The following NRG1 variants were observed in gnomAD, a reference collection of about 807,000 sequenced individuals.
NRG1 encodes neuregulin 1.
A neutral mutation model predicts 63.8 loss-of-function variants in NRG1; 18 were observed. The observed-to-expected ratio is 0.28, with a 90% CI of 0.19 to 0.42. The LOEUF (loss-of-function observed/expected upper bound fraction) is 0.42. Ranked by LOEUF, NRG1 falls within the 10% of genes least tolerant of loss-of-function variation. NRG1 has a pLI of 1.00. For missense variants in NRG1, 762 were observed against 814.7 expected, an observed-to-expected ratio of 0.94 and a Z score of 0.79; for synonymous variants, 302 against 301.3, an observed-to-expected ratio of 1.00 and a Z score of -0.02.
chr8:32,041,273 T>C (rs1335926573), intron 1 of NRG1, among the ~76,000 whole-genome samples: 1 of 152,218 alleles, frequency 6.6e-6, no homozygotes, highest in South Asian at 2.1e-4. Context: ...TCCTTCTTAA[T>C]TACTACATTT....
rs1225918150 is a variant in NRG1, at chr8:32,432,511, T to C, written c.38-163317T>C. On this transcript the variant is annotated intron_variant, in intron 1 of 10. Transcript: ENST00000519301. ...ACTTTATCACACCGGTTTTTGTTTT[T>C]GTTTTTGTATTATTATTTTTGAGAC... 2.0e-5 allele frequency among the ~76,000 whole-genome samples: 3 copies of C among 152,128 alleles called. No homozygotes were observed. The East Asian group carries it at 5.8e-4, about 29-fold the overall frequency.
chr8:32,162,799 T>C (rs919430261), intron 1 of NRG1, among the ~76,000 whole-genome samples: 1 of 152,048 alleles, frequency 6.6e-6, no homozygotes, highest in African/African-American at 2.4e-5. Context: ...TTGAAGGAAA[T>C]GTGCTGCCTA....
chr8:32,498,070 A>G (rs1013879287), intron 1 of NRG1, among the ~76,000 whole-genome samples: 9 of 151,892 alleles, frequency 5.9e-5, no homozygotes, highest in African/African-American at 2.2e-4. Flanking sequence ...TCATCCACTC[A>G]CCTCGGCCTC....
chr8:32,413,484 A>T (rs1359019166), intron 1 of NRG1, among the ~76,000 whole-genome samples: 1 of 152,192 alleles, frequency 6.6e-6, no homozygotes, highest in Non-Finnish European at 1.5e-5. Flanking sequence ...AAGCAGAAAA[A>T]GGAGATTAGA....
intron 1 of NRG1, among the ~76,000 whole-genome samples, chr8:32,273,294 G>A (rs1024856664): frequency 1.3e-5 from 2 of 152,066 alleles, no homozygotes; most frequent in African/African-American, 4.8e-5. Context: ...AAAGCTATTA[G>A]ATTCCCAACC....
At chr8:31,984,990 G>T (rs975883504) in intron 1 of NRG1, among the ~76,000 whole-genome samples, 19 of 152,008 alleles carry the variant, frequency 1.2e-4, no homozygotes, top group Admixed American at 7.9e-4. Context: ...TTCCTTGGGG[G>T]TTTACCCATT....
At chr8:31,683,016 A>AT (rs1180157627) in intron 1 of NRG1, among the ~76,000 whole-genome samples, 1 of 152,208 alleles carries the variant, frequency 6.6e-6, no homozygotes, top group Non-Finnish European at 1.5e-5. Context: ...ATTTTGAAAT[A>AT]TACCAGAGCA....
chr8:31,782,383 A>G (rs1212945249), intron 1 of NRG1, among the ~76,000 whole-genome samples: 1 of 152,036 alleles, frequency 6.6e-6, no homozygotes, highest in Non-Finnish European at 1.5e-5. Flanking sequence ...AGCATTGCCT[A>G]TCACCCCCAC....
intron 1 of NRG1, among the ~76,000 whole-genome samples, chr8:31,727,019 C>T (rs1416027206): frequency 2.6e-5 from 4 of 152,206 alleles, no homozygotes; most frequent in East Asian, 1.9e-4. Context: ...GATTGAAAAA[C>T]GATTGTCTAA....
chr8:31,751,977 A>G (rs1211320665), intron 1 of NRG1, among the ~76,000 whole-genome samples: 1 of 151,980 alleles, frequency 6.6e-6, no homozygotes, highest in Non-Finnish European at 1.5e-5. Flanking sequence ...TTGAACATGT[A>G]TTTGCCATTC....
chr8:32,034,003 A>G (rs1818661698), intron 1 of NRG1, among the ~76,000 whole-genome samples: 1 of 152,188 alleles, frequency 6.6e-6, no homozygotes. Context: ...AGGAGTGTTG[A>G]GAGATGGCTT....
At chr8:32,515,635 C>T (rs1342186166) in intron 1 of NRG1, among the ~76,000 whole-genome samples, 1 of 152,032 alleles carries the variant, frequency 6.6e-6, no homozygotes, top group Non-Finnish European at 1.5e-5. Flanking sequence ...GAAACAAGGA[C>T]ACAGTATGTT....
At chr8:31,826,733 A>G (rs1335677423) in intron 1 of NRG1, among the ~76,000 whole-genome samples, 2 of 152,222 alleles carry the variant, frequency 1.3e-5, no homozygotes, top group Non-Finnish European at 2.9e-5. Flanking sequence ...GTAGAAGAAT[A>G]TAAGGGGCTT....
chr8:32,390,130 T>C (rs2129483908), intron 1 of NRG1, among the ~76,000 whole-genome samples: 1 of 152,266 alleles, frequency 6.6e-6, no homozygotes, highest in South Asian at 2.1e-4. Context: ...TTTCCCATTC[T>C]CTATGCCTGG....
At chr8:32,241,826 G>A (rs891902510) in intron 1 of NRG1, among the ~76,000 whole-genome samples, 5 of 151,522 alleles carry the variant, frequency 3.3e-5, no homozygotes, top group South Asian at 2.1e-4. Context: ...TGGTGCAATC[G>A]TAGCTCACTG....
intron 1 of NRG1, among the ~76,000 whole-genome samples, chr8:31,782,321 A>C (rs935640799): frequency 6.6e-6 from 1 of 152,016 alleles, no homozygotes; most frequent in Non-Finnish European, 1.5e-5. Context: ...CTCAGATACC[A>C]TGTTATTCAT....
rs538870291 is a variant in NRG1, at chr8:32,427,343, C to T, written c.38-168485C>T. On this transcript the variant is annotated intron_variant, in intron 1 of 10. Coordinates refer to the NRG1 transcript ENST00000519301. Reference sequence around the variant, plus strand: ...ATTAAACGTGGTAGATCCTCCATCTCCACTTGGCTCTTTCTGATTTTCTGT... The same window carrying T: ...ATTAAACGTGGTAGATCCTCCATCTTCACTTGGCTCTTTCTGATTTTCTGT... 8.5e-5 allele frequency among the ~76,000 whole-genome samples: 13 copies of T among 152,266 alleles called. No individual in the cohort carries two copies. In the East Asian group the frequency reaches 2.5e-3, roughly 29 times the overall value.
chr8:31,746,862 T>G (rs1815925242), intron 1 of NRG1, among the ~76,000 whole-genome samples: 1 of 151,914 alleles, frequency 6.6e-6, no homozygotes, highest in Non-Finnish European at 1.5e-5. Flanking sequence ...TGCAACAACA[T>G]GGATGGAACT....
In NRG1 at chr8:32,759,295, T is replaced by C; in HGVS notation, c.922-11T>C. The C allele has an allele frequency of 6.2e-7, 1 of 1,611,834 alleles. No homozygotes were observed. The highest frequency in any genetic ancestry group is 8.5e-7 in the Non-Finnish European group (1 of 1,178,878). Reference sequence around the variant, plus strand: ...CGTGAATCTTCAAGTTGTGTCTCTTTGTTTATCCAGCAATACGTATCTAAA... The same window carrying C: ...CGTGAATCTTCAAGTTGTGTCTCTTCGTTTATCCAGCAATACGTATCTAAA... On this transcript the variant is annotated splice_polypyrimidine_tract_variant and intron_variant, in intron 9 of 11. Coordinates refer to ENST00000356819, the Ensembl canonical transcript of NRG1.
Sources: allele counts gnomAD v4.1 joint callset (sites outside exome capture counted in the v4.1 genomes callset), GRCh38; gene constraint gnomAD v4.1.1; transcripts MANE v1.5; gene names NCBI Gene and HGNC (gene_info 2026-07-23, HGNC 2026-07-21).